The following MMP25 variants were observed in gnomAD, a reference collection of about 807,000 sequenced individuals.
The protein encoded by MMP25 is matrix metalloproteinase-25.
In MMP25, 68 loss-of-function variants were observed where a neutral mutation model predicts 62.1. The ratio of observed to expected loss-of-function variants is 1.10; its 90% CI spans 0.90 to 1.34. The LOEUF is 1.34. Ranked by LOEUF, MMP25 falls within the 40% of genes most tolerant of loss-of-function variation. The pLI, the probability that MMP25 is intolerant of heterozygous loss-of-function variation, is 0.00. For missense variants in MMP25, 942 were observed against 792.5 expected (o/e 1.19, Z -2.26); for synonymous variants, 407 against 345.6 (o/e 1.18, Z -1.97).
intron 2 of MMP25, 71 bp from the exon 3 acceptor site, chr16:3,049,938 T>C: frequency 6.3e-7 from 1 of 1,593,222 alleles, no homozygotes; most frequent in South Asian, 1.1e-5. Context: ...TGTAGAAAGT[T>C]GACTGGTGCT....
At chr16:3,050,824 T>C (rs1157796350) in intron 4 of MMP25, among the ~76,000 whole-genome samples, 1 of 152,074 alleles carries the variant, frequency 6.6e-6, no homozygotes, top group Non-Finnish European at 1.5e-5. Context: ...CAGGGTCTCA[T>C]TATCTTGCTC....
Position 3,056,993 on chromosome 16 carries a change from A to T in MMP25, c.662-40A>T, listed in dbSNP as rs1064948. On this transcript the variant is annotated intron_variant, in intron 4 of 9. Transcript: ENST00000336577. The stretch of plus-strand genomic sequence containing the variant: ...GGCCTTCCTGTGGCCCCTTTCCCCA[A>T]GCAGGGGCGGCCGCAGCTCTCACCC... 1,009,952 of 1,526,460 alleles carry T rather than the reference A, an allele frequency of 0.66. 339,200 individuals are homozygous for T. The highest frequency in any genetic ancestry group is 0.91 in the East Asian group (39,996 of 43,874). The allele number at this position is 1,526,460 out of a possible 1,614,324, so 94.6% of individuals were successfully genotyped here.
rs1266302137 is a variant in MMP25, at chr16:3,059,134, C to T, written c.*36C>T. The stretch of plus-strand genomic sequence containing the variant: ...CATCCAGACCGAACAGCGCCCTCCA[C>T]GGCCGAGTCCCCCGCCGCTGGACCT... On this transcript the variant is annotated 3_prime_UTR_variant, in exon 10 of 10. Coordinates refer to ENST00000336577, the MANE Select transcript of MMP25 (RefSeq NM_022468.5). 1 of 1,482,344 alleles carries T rather than the reference C, an allele frequency of 6.7e-7. No homozygotes were observed. Among genetic ancestry groups the T allele is most frequent in the Non-Finnish European group, 9.0e-7 (1 of 1,109,926 alleles). 91.8% of individuals were successfully genotyped at this position (1,482,344 alleles called of 1,614,324 possible).
Position 3,058,447 on chromosome 16 carries a change from G to C in MMP25, c.1195G>C (p.Glu399Gln). 2 of 1,591,610 alleles carry C rather than the reference G, an allele frequency of 1.3e-6. No homozygotes were observed. Among genetic ancestry groups the C allele is most frequent in the Non-Finnish European group, 8.5e-7 (1 of 1,170,092 alleles). ...CTGGGTGTTCCAGGACCGGCAGCTGGAGGGCGGGGCGCGGCCGCTCACGGA... is the reference window on the plus strand; with the variant it reads ...CTGGGTGTTCCAGGACCGGCAGCTGCAGGGCGGGGCGCGGCCGCTCACGGA... ...QFWVFQDRQLEGGARPLTELG... is the reference protein window; with the variant it reads ...QFWVFQDRQLQGGARPLTELG... The change falls in exon 9 of 10, where the codon GAG becomes CAG. Residue 399 changes from glutamate (E) to glutamine (Q), a missense_variant. Physicochemically the swap from Glu to Gln is conservative, Grantham distance 29. Transcript: ENST00000336577.
intron 1 of MMP25, 98 bp downstream of exon 1, chr16:3,047,114 T>A (rs1955832929): frequency 3.9e-6 from 5 of 1,269,066 alleles, no homozygotes; most frequent in Non-Finnish European, 4.1e-6. Context: ...GGGGCCAGAT[T>A]CCAATATCCA....
In MMP25 at chr16:3,047,519, C is replaced by G. The variant is rs1490009565; in HGVS notation, c.204C>G (p.Phe68Leu). ...LRDAIKVMQR[F>L]AGLPETGRMD... ...ATGCCATCAAAGTCATGCAGAGGTT[C>G]GCGGGGCTGCCGGAGACCGGCCGCA... Residue 68 changes from phenylalanine (F) to leucine (L), a missense_variant, in exon 2 of 10, where the codon TTC becomes TTG. Physicochemically the swap from Phe to Leu is conservative, Grantham distance 22. Transcript: ENST00000336577. 6.2e-7 allele frequency: 1 copy of G among 1,613,542 alleles called. No homozygotes were observed. The highest frequency in any genetic ancestry group is 8.5e-7 in the Non-Finnish European group (1 of 1,179,944).
chr16:3,058,123 G>C, intron 7 of MMP25, 58 bp from the exon 8 acceptor site: 1 of 1,591,898 alleles, frequency 6.3e-7, no homozygotes, highest in East Asian at 2.3e-5. Flanking sequence ...CACACACCCT[G>C]GGGGAGGAGA....
At chr16:3,056,502 C>T (rs774693781) in intron 4 of MMP25, among the ~76,000 whole-genome samples, 10 of 152,160 alleles carry the variant, frequency 6.6e-5, no homozygotes, top group Middle Eastern at 3.4e-3. Flanking sequence ...CGGGCTCCAG[C>T]GATTCTCCTG....
chr16:3,053,935 G>A (rs1955951048), intron 4 of MMP25: 1 of 151,854 alleles, frequency 6.6e-6, no homozygotes, highest in Non-Finnish European at 1.5e-5. Context: ...AGTGAAGATT[G>A]AGTTGAGACC....
intron 4 of MMP25, chr16:3,055,881 G>T (rs1230025924): frequency 4.4e-6 from 2 of 455,692 alleles, no homozygotes; most frequent in Non-Finnish European, 8.8e-6. Flanking sequence ...GGTTGATGAG[G>T]AGCTGGGCTT....
Position 3,059,079 on chromosome 16 carries a change from G to A in MMP25, c.1670G>A (p.Gly557Glu), listed in dbSNP as rs544102381. ...IPLLLLPLLV[G>E]GVASR Reference sequence around the variant, plus strand: ...CTGCTCCTCTTGCCCCTGCTGGTGGGGGGTGTAGCCTCCCGCTGATGGGGG... The same window carrying A: ...CTGCTCCTCTTGCCCCTGCTGGTGGAGGGTGTAGCCTCCCGCTGATGGGGG... Residue 557 changes from glycine (G) to glutamate (E), a missense_variant, in exon 10 of 10, where the codon GGG (glycine) becomes GAG (glutamate). Gly to Glu is a moderately conservative substitution (Grantham distance 98). Transcript: ENST00000336577. 6 of 1,547,258 alleles carry A rather than the reference G, an allele frequency of 3.9e-6. No individual in the cohort carries two copies. The highest frequency in any genetic ancestry group is 3.6e-5 in the South Asian group (3 of 83,816).
At position 3,058,301 on chromosome 16, in the gene MMP25, G is replaced by A. The variant is rs201851412; in HGVS notation, c.1127G>A (p.Arg376Gln). 7.7e-5 allele frequency: 123 copies of A among 1,604,040 alleles called. No individual in the cohort carries two copies. The African/African-American group carries it at 1.5e-3, about 19-fold the overall frequency. The change falls in exon 8 of 10, where the codon CGG becomes CAG. Residue 376 changes from arginine (R) to glutamine (Q), a missense_variant. Coordinates refer to ENST00000336577, the MANE Select transcript of MMP25 (RefSeq NM_022468.5). Reference protein sequence around the residue: ...QVRVVQAAYARHRDGRILLFS... With the variant: ...QVRVVQAAYAQHRDGRILLFS... ...AGGGTGGTGCAGGCCGCCTATGCTC[G>A]GCACCGAGACGGCCGAATCCTCCTC...
At chr16:3,051,832 A>T (rs951062880) in intron 4 of MMP25, 1 of 152,088 alleles carries the variant, frequency 6.6e-6, no homozygotes, top group African/African-American at 2.4e-5. Context: ...CTCAATATAT[A>T]TATGAATATA....
chr16:3,053,521 A>G (rs1955941979), intron 4 of MMP25: 1 of 152,240 alleles, frequency 6.6e-6, no homozygotes, highest in South Asian at 2.1e-4. Context: ...GCCTCTCAGC[A>G]CAGGGCCTGC....
chr16:3,059,310 A>C lies in MMP25; in HGVS notation c.*212A>C. 2.1e-6 allele frequency: 1 copy of C among 476,084 alleles called. No homozygotes were observed. The highest frequency in any genetic ancestry group is 3.4e-6 in the Non-Finnish European group (1 of 291,222). The allele number at this position is 476,084 out of a possible 1,614,324, so 29.5% of individuals were successfully genotyped here. ...CTGGGCTCAGTCTCCTCAGGGTCTG[A>C]GACCCCGGCGCTGCCACCGGAACCC... On this transcript the variant is annotated 3_prime_UTR_variant, in exon 10 of 10. Coordinates refer to ENST00000336577, the MANE Select transcript of MMP25 (RefSeq NM_022468.5).
chr16:3,059,355 C>G lies in MMP25; in HGVS notation c.*257C>G. 2.6e-6 allele frequency: 1 copy of G among 378,682 alleles called. No individual in the cohort carries two copies. Among genetic ancestry groups the G allele is most frequent in the Admixed American group, 4.6e-5 (1 of 21,600 alleles). The allele number at this position is 378,682 out of a possible 1,614,324, so 23.5% of individuals were successfully genotyped here. A position where few individuals can be genotyped will look rare whatever the true frequency, so the allele number is the denominator to read the frequency against. The stretch of plus-strand genomic sequence containing the variant: ...GAACCCGCCTTCAGGGGCGCACGCG[C>G]GCTGGGACCATGCGTCGGTCGTCGC... On this transcript the variant is annotated 3_prime_UTR_variant, in exon 10 of 10. Transcript: ENST00000336577.
chr16:3,050,858 C>T (rs1297901184), intron 4 of MMP25, among the ~76,000 whole-genome samples: 2 of 152,166 alleles, frequency 1.3e-5, no homozygotes, highest in Admixed American at 6.5e-5. Flanking sequence ...GTTGCACGAT[C>T]ACGGCTCACT....
Position 3,046,873 on chromosome 16 carries a change from C to T in MMP25, c.-45C>T. ...CCCAGGTCCCCGGGGCGGCCCCAGC[C>T]AGGCCCCCTTCGAACCCCGCCGGCG... is the stretch of plus-strand genomic sequence containing the variant. On this transcript the variant is annotated 5_prime_UTR_variant, in exon 1 of 10. Coordinates refer to ENST00000336577, the MANE Select transcript of MMP25 (RefSeq NM_022468.5). 1 of 1,211,304 alleles carries T rather than the reference C, an allele frequency of 8.3e-7. No individual in the cohort carries two copies. 75.0% of individuals were successfully genotyped at this position (1,211,304 alleles called of 1,614,324 possible). A position where few individuals can be genotyped will look rare whatever the true frequency, so the allele number is the denominator to read the frequency against.
chr16:3,056,470 C>T (rs1366074163), intron 4 of MMP25, among the ~76,000 whole-genome samples: 1 of 151,794 alleles, frequency 6.6e-6, no homozygotes, highest in African/African-American at 2.4e-5. Context: ...CATGGTCATG[C>T]GTCACTGCAG....
Sources: gnomAD v4.1 joint callset for allele counts (sites outside exome capture counted in the v4.1 genomes callset) on GRCh38, gnomAD v4.1.1 for gene constraint, MANE v1.5 for transcripts, NCBI Gene and HGNC (gene_info 2026-07-23, HGNC 2026-07-21) for gene names.